Variants in TBC1D21 observed in about 807,000 individuals in gnomAD.
TBC1D21 encodes TBC1 domain family member 21, also known as male germ cell Rab GTPase-activating protein.
Under a neutral mutation model 46.0 loss-of-function variants are expected in TBC1D21, and 38 were observed. The observed-to-expected ratio is 0.83, with a 90% CI of 0.64 to 1.08. TBC1D21 has a LOEUF of 1.08. Ranked by LOEUF, TBC1D21 falls within the 50% of genes least tolerant of loss-of-function variation. The probability of loss-of-function intolerance (pLI) is 0.00; values close to 1 mark genes in which losing one functional copy is unlikely to be tolerated. For synonymous variants in TBC1D21, 151 were observed against 157.2 expected (o/e 0.96, Z 0.29); for missense variants, 415 against 417.9 (o/e 0.99, Z 0.06).
In TBC1D21 at chr15:73,884,242, A is replaced by G. The variant is rs370676512; in HGVS notation, c.364A>G (p.Ile122Val). ...HRNFTETRNNIARDIQKIYDK... is the reference protein window; with the variant it reads ...HRNFTETRNNVARDIQKIYDK... ...GAACTTCACAGAGACTCGCAATAAC[A>G]TTGGTGAGCAAAGTGGGGTGGAGAG... Residue 122 changes from isoleucine to valine, a missense_variant, in exon 4 of 11, where the codon ATT becomes GTT. Physicochemically the swap from Ile to Val is conservative, Grantham distance 29 (BLOSUM62 3). Coordinates refer to ENST00000300504, the MANE Select transcript of TBC1D21 (RefSeq NM_153356.3). The G allele has an allele frequency of 3.0e-5, 49 of 1,613,908 alleles. No individual in the cohort carries two copies. Among genetic ancestry groups the G allele is most frequent in the Non-Finnish European group, 4.2e-5 (49 of 1,179,874 alleles).
chr15:73,887,043 G>A (rs1014662795), intron 8 of TBC1D21, among the ~76,000 whole-genome samples: 11 of 152,106 alleles, frequency 7.2e-5, no homozygotes, highest in African/African-American at 2.7e-4. Flanking sequence ...CTGTAGTCCT[G>A]TGACCACAAT....
chr15:73,900,042 G>A, the TBC1D21 span, among the ~76,000 whole-genome samples: 2 of 152,156 alleles, frequency 1.3e-5, no homozygotes, highest in African/African-American at 4.8e-5. Context: ...AGAGGGACTT[G>A]CAGAATCAGT....
In TBC1D21 at chr15:73,883,845, G is replaced by A. The variant is rs143457345; in HGVS notation, c.273-306G>A. 6.1e-3 allele frequency among the ~76,000 whole-genome samples: 933 copies of A among 152,318 alleles called. 33 individuals are homozygous for A. Among genetic ancestry groups the A allele is most frequent in the Admixed American group, 0.053 (815 of 15,298 alleles). On this transcript the variant is annotated intron_variant, in intron 3 of 10. Coordinates refer to ENST00000300504, the MANE Select transcript of TBC1D21 (RefSeq NM_153356.3). ...AACTGAGGCTTAGAGATGGAAAGTCGTGTCCCCAAGACTTGCCCCCAGTGG... is the reference window on the plus strand; with the variant it reads ...AACTGAGGCTTAGAGATGGAAAGTCATGTCCCCAAGACTTGCCCCCAGTGG...
At chr15:73,875,680 C>A (rs1337213137) in intron 1 of TBC1D21, among the ~76,000 whole-genome samples, 1 of 152,134 alleles carries the variant, frequency 6.6e-6, no homozygotes, top group African/African-American at 2.4e-5. Flanking sequence ...CCTAGATACA[C>A]CCTGAAGGTG....
chr15:73,884,833 C>T lies in TBC1D21; in HGVS notation c.420C>T (p.Ile140=), dbSNP rs141524942. The change falls in exon 5 of 11, where the codon ATC becomes ATT. Residue 140 remains isoleucine (I), a synonymous_variant. Coordinates refer to ENST00000300504, the MANE Select transcript of TBC1D21 (RefSeq NM_153356.3). ...YDKDPLGNVL[I]DKKRLEKILL... ...AAGATCCCCTGGGCAACGTCCTCAT[C>T]GACAAGAAGAGGCTAGAGAAGATCC... 7.6e-4 allele frequency: 1,228 copies of T among 1,614,146 alleles called. 7 individuals carry two copies. In the African/African-American group the frequency reaches 0.014, roughly 18 times the overall value.
chr15:73,896,554 C>G, the TBC1D21 span, among the ~76,000 whole-genome samples: 1 of 151,632 alleles, frequency 6.6e-6, no homozygotes, highest in Admixed American at 6.6e-5. Flanking sequence ...CTCAAAACTC[C>G]TAGCTCAATA....
intron 1 of TBC1D21, among the ~76,000 whole-genome samples, chr15:73,880,499 G>A (rs562407771): frequency 2.0e-5 from 3 of 152,090 alleles, no homozygotes; most frequent in Non-Finnish European, 2.9e-5. Flanking sequence ...GGCCAGGTGC[G>A]GTGACTAACG....
downstream of TBC1D21, chr15:73,889,258 C>A (rs771447884): frequency 6.9e-6 from 6 of 865,456 alleles, no homozygotes; most frequent in Non-Finnish European, 7.3e-6. Context: ...GGGGCTGGGA[C>A]GCACATGAGG....
chr15:73,886,019 ACT>A, intron 6 of TBC1D21, 57 bp from the exon 7 acceptor site: 1 of 1,465,386 alleles, frequency 6.8e-7, no homozygotes, highest in Non-Finnish European at 9.5e-7. Flanking sequence ...AGCAGAGTTG[ACT>A]CTTCCGGTGC....
intron 1 of TBC1D21, among the ~76,000 whole-genome samples, chr15:73,880,304 C>CCACACACACACACACA (rs57897774): frequency 1.3e-5 from 2 of 149,378 alleles, no homozygotes; most frequent in African/African-American, 4.9e-5. Context: ...CAGATATATA[C>CCACACACACACACACA]CACACACACA....
At chr15:73,897,192 G>A in the TBC1D21 span, among the ~76,000 whole-genome samples, 5 of 152,174 alleles carry the variant, frequency 3.3e-5, no homozygotes, top group African/African-American at 1.2e-4. Flanking sequence ...GTGGGCTGCA[G>A]TGTGAATTGG....
At chr15:73,898,880 A>AAAAAAAAATATATATATATAT in the TBC1D21 span, among the ~76,000 whole-genome samples, 66 of 56,718 alleles carry the variant, frequency 1.2e-3, no homozygotes, top group Middle Eastern at 0.019. Flanking sequence ...AAAAAAAAAA[A>AAAAAAAAATATATATATATAT]ATATATATAT....
intron 8 of TBC1D21, 55 bp from the exon 9 acceptor site, chr15:73,887,565 A>T: frequency 6.6e-7 from 1 of 1,515,450 alleles, no homozygotes; most frequent in South Asian, 1.1e-5. Context: ...CACCATCCTC[A>T]GGGCATCTGC....
the TBC1D21 span, among the ~76,000 whole-genome samples, chr15:73,894,836 C>T: frequency 6.6e-6 from 1 of 152,156 alleles, no homozygotes; most frequent in Non-Finnish European, 1.5e-5. Flanking sequence ...CAGTTGGTGC[C>T]AAGTGCCATC....
At chr15:73,889,784 A>G (rs1342303182), downstream of TBC1D21, among the ~76,000 whole-genome samples, 1 of 152,222 alleles carries the variant, frequency 6.6e-6, no homozygotes, top group Non-Finnish European at 1.5e-5. Flanking sequence ...TTTCTTGAGA[A>G]TGCACTCTTT....
At chr15:73,881,822 C>T (rs2141564043) in intron 3 of TBC1D21, 75 bp downstream of exon 3, 2 of 1,294,686 alleles carry the variant, frequency 1.5e-6, no homozygotes, top group East Asian at 2.4e-5. Flanking sequence ...AGCCTGCAGA[C>T]TATCTTCTGC....
rs889851758 is a variant in TBC1D21 at position 73,884,666 on chromosome 15, C to T, written c.368-115C>T. 3.4e-5 allele frequency: 24 copies of T among 701,380 alleles called. 1 individual carries two copies. Among genetic ancestry groups the T allele is most frequent in the Middle Eastern group, 2.7e-4 (1 of 3,666 alleles). The allele number at this position is 701,380 out of a possible 1,614,324, so 43.4% of individuals were successfully genotyped here. A position where few individuals can be genotyped will look rare whatever the true frequency, so the allele number is the denominator to read the frequency against. On this transcript the variant is annotated intron_variant, in intron 4 of 10. Coordinates refer to ENST00000300504, the MANE Select transcript of TBC1D21 (RefSeq NM_153356.3). ...AGGGGCTGATGTACCTTTCACAGCT[C>T]CCTCTCCCTCCAGGATGTCCTAGGG...
At chr15:73,896,034 G>A in the TBC1D21 span, among the ~76,000 whole-genome samples, 2 of 152,134 alleles carry the variant, frequency 1.3e-5, no homozygotes, top group African/African-American at 2.4e-5. Flanking sequence ...TTGAGAAGAC[G>A]GCAGAGGTGG....
At chr15:73,898,880 A>AAAAAAAAAAATATATATATATAT in the TBC1D21 span, among the ~76,000 whole-genome samples, 11 of 56,792 alleles carry the variant, frequency 1.9e-4, no homozygotes, top group Non-Finnish European at 3.4e-4. Context: ...AAAAAAAAAA[A>AAAAAAAAAAATATATATATATAT]ATATATATAT....
Sources: gnomAD v4.1 joint callset for allele counts (sites outside exome capture counted in the v4.1 genomes callset) on GRCh38, gnomAD v4.1.1 for gene constraint, MANE v1.5 for transcripts, NCBI Gene and HGNC (gene_info 2026-07-23, HGNC 2026-07-21) for gene names.